DAB2: variants seen among roughly 807,000 people sequenced by gnomAD.
DAB2 encodes the protein DAB adaptor protein 2, also known as disabled homolog 2.
In DAB2, 28 loss-of-function variants were observed where a neutral mutation model predicts 71.6. The observed-to-expected ratio is 0.39, with a 90% confidence interval of 0.29 to 0.54. The LOEUF (loss-of-function observed/expected upper bound fraction) is 0.54, where lower values mean the gene tolerates loss of function less well. DAB2 is among the 20% of genes least tolerant of loss of function. The pLI is 0.68. For missense variants in DAB2, 867 were observed against 928.8 expected (o/e 0.93, Z 0.86); for synonymous variants, 345 against 339.7 (o/e 1.02, Z -0.17).
rs1336963887 is a variant in DAB2 at position 39,422,752 on chromosome 5, C to T, written c.-102+2052G>A. ...AGAGGTCCCTGTACTACCTTCATGC[C>T]AACAAGTGCCTTAAAAGCCGTACCC... is the stretch of plus-strand genomic sequence containing the variant. On this transcript the variant is annotated intron_variant, in intron 1 of 14. Coordinates refer to ENST00000320816, the MANE Select transcript of DAB2 (RefSeq NM_001343.4). This position sits in a 1 kb window ranked among gnomAD's most constrained non-coding sequence, Gnocchi z 4.1. 3.9e-5 allele frequency among the ~76,000 whole-genome samples: 6 copies of T among 152,078 alleles called. No homozygotes were observed. Among genetic ancestry groups the T allele is most frequent in the Non-Finnish European group, 8.8e-5 (6 of 68,016 alleles).
chr5:39,387,405 T>C (rs1214386818), intron 9 of DAB2, among the ~76,000 whole-genome samples: 1 of 152,188 alleles, frequency 6.6e-6, no homozygotes, highest in African/African-American at 2.4e-5. Flanking sequence ...AAGCATTACC[T>C]GAATCTGAAC....
intron 1 of DAB2, among the ~76,000 whole-genome samples, chr5:39,424,277 C>T (rs781059980): frequency 7.2e-5 from 11 of 152,100 alleles, no homozygotes; most frequent in Non-Finnish European, 1.6e-4. Context: ...TAGATACTTC[C>T]TTAGGAATGC....
intron 9 of DAB2, among the ~76,000 whole-genome samples, chr5:39,387,444 T>C (rs867620870): frequency 1.7e-4 from 26 of 152,202 alleles, no homozygotes; most frequent in African/African-American, 6.3e-4. Flanking sequence ...TAACATCAAT[T>C]ACTAACGATG....
chr5:39,395,512 C>A (rs1390526092), intron 1 of DAB2, among the ~76,000 whole-genome samples: 1 of 152,190 alleles, frequency 6.6e-6, no homozygotes, highest in Non-Finnish European at 1.5e-5. Flanking sequence ...AAAAGTAAGT[C>A]TCAAGTTTTT....
chr5:39,389,845 TA>T lies in DAB2; in HGVS notation c.543+6del. ...ATTTAATAGAGCCTTAATCAGGTAG[TA>T]CTTGCCTTTTTCTTTTCTTCTTCCT... is the stretch of plus-strand genomic sequence containing the variant. On this transcript the variant is annotated splice_donor_region_variant and intron_variant, in intron 6 of 14. Transcript: ENST00000320816. 6.8e-7 allele frequency: 1 copy of T among 1,468,578 alleles called. No individual in the cohort carries two copies. Among genetic ancestry groups the T allele is most frequent in the African/African-American group, 1.4e-5 (1 of 71,232 alleles). The allele number at this position is 1,468,578 out of a possible 1,614,324, so 91.0% of individuals were successfully genotyped here.
chr5:39,407,971 C>T (rs1284506878), intron 1 of DAB2, among the ~76,000 whole-genome samples: 1 of 152,190 alleles, frequency 6.6e-6, no homozygotes, highest in Admixed American at 6.5e-5. Context: ...AGAAATACTG[C>T]CTGATATTTG....
At chr5:39,373,857 T>G in intron 14 of DAB2, among the ~76,000 whole-genome samples, 1 of 152,230 alleles carries the variant, frequency 6.6e-6, no homozygotes, top group East Asian at 1.9e-4. Context: ...CTTAAATATC[T>G]ACTTACTGCT....
At chr5:39,375,849 G>A (rs1162736413) in intron 13 of DAB2, 148 bp downstream of exon 13, 2 of 643,900 alleles carry the variant, frequency 3.1e-6, no homozygotes, top group Non-Finnish European at 5.3e-6. Context: ...TTGCACCACT[G>A]CACTCCAGCC....
chr5:39,373,720 G>A (rs1754754179), intron 14 of DAB2, among the ~76,000 whole-genome samples: 1 of 152,116 alleles, frequency 6.6e-6, no homozygotes, highest in South Asian at 2.1e-4. Flanking sequence ...CCAAAGAGAA[G>A]TCTAGTTCAT....
At chr5:39,379,178 G>A (rs1406377387) in intron 11 of DAB2, among the ~76,000 whole-genome samples, 1 of 152,020 alleles carries the variant, frequency 6.6e-6, no homozygotes, top group Non-Finnish European at 1.5e-5. Flanking sequence ...TTAGGGCTGG[G>A]CGCAGTGGCT....
At chr5:39,388,719 T>C in intron 8 of DAB2, 80 bp downstream of exon 8, 4 of 1,144,562 alleles carry the variant, frequency 3.5e-6, no homozygotes, top group African/African-American at 1.5e-5. Context: ...AATACAGATT[T>C]GGTATCAGCA....
chr5:39,412,804 C>A (rs1299386696), intron 1 of DAB2, among the ~76,000 whole-genome samples: 2 of 152,160 alleles, frequency 1.3e-5, no homozygotes, highest in Non-Finnish European at 2.9e-5. Context: ...ACCTGCAAGT[C>A]ACACCAGCCT....
intron 14 of DAB2, among the ~76,000 whole-genome samples, chr5:39,374,017 C>T (rs974703945): frequency 2.0e-5 from 3 of 152,128 alleles, no homozygotes; most frequent in African/African-American, 7.2e-5. Context: ...AAAGGTACTA[C>T]AGGAAACACA....
chr5:39,415,711 T>C (rs1755829053), intron 1 of DAB2, among the ~76,000 whole-genome samples: 1 of 152,142 alleles, frequency 6.6e-6, no homozygotes, highest in South Asian at 2.1e-4. Context: ...TTCAAGGAAA[T>C]GGACTTCATG....
In DAB2 at chr5:39,422,948, G is replaced by C. The variant is rs1011918913; in HGVS notation, c.-102+1856C>G. ...ACAAATTAGACAAGGTTTGTAACAA[G>C]TGCTTTCTTCCCTCACTTACATCCT... On this transcript the variant is annotated intron_variant, in intron 1 of 14. Transcript: ENST00000320816. The surrounding 1 kb of genome is among the most constrained non-coding windows in gnomAD (Gnocchi z 4.1). 6.6e-6 allele frequency among the ~76,000 whole-genome samples: 1 copy of C among 152,176 alleles called. No individual in the cohort carries two copies. The highest frequency in any genetic ancestry group is 1.5e-5 in the Non-Finnish European group (1 of 68,032).
chr5:39,411,434 G>A (rs1231508938), intron 1 of DAB2, among the ~76,000 whole-genome samples: 1 of 152,100 alleles, frequency 6.6e-6, no homozygotes, highest in African/African-American at 2.4e-5. Flanking sequence ...AATACTTAAG[G>A]GAAATGTGGG....
intron 2 of DAB2, 72 bp downstream of exon 2, chr5:39,394,158 C>G: frequency 1.6e-6 from 2 of 1,254,088 alleles, no homozygotes; most frequent in Non-Finnish European, 2.3e-6. Context: ...TTACTTTATT[C>G]TGAATCTCAC....
chr5:39,376,217 C>T (rs1754824835), intron 12 of DAB2, 111 bp from the exon 13 acceptor site: 2 of 772,140 alleles, frequency 2.6e-6, no homozygotes, highest in Admixed American at 2.7e-5. Context: ...AAATTTACAT[C>T]AGTGGAACAA....
At chr5:39,418,344 C>A (rs3849767) in intron 1 of DAB2, 2 of 152,138 alleles carry the variant, frequency 1.3e-5, no homozygotes, top group African/African-American at 4.8e-5. Context: ...ATTTCTGTTG[C>A]ACTAAATGGT....
Sources: allele counts gnomAD v4.1 joint callset (sites outside exome capture counted in the v4.1 genomes callset), GRCh38; gene constraint gnomAD v4.1.1; non-coding constraint Gnocchi (gnomAD v3.1); transcripts MANE v1.5; gene names NCBI Gene and HGNC (gene_info 2026-07-23, HGNC 2026-07-21).